The following DNAJC1 variants were observed in gnomAD, a reference collection of about 807,000 sequenced individuals.
The protein encoded by DNAJC1 is DnaJ heat shock protein family (Hsp40) member C1.
DNAJC1 carries 58 observed loss-of-function variants against 76.6 expected under a neutral mutation model. The ratio of observed to expected loss-of-function variants is 0.76; its 90% CI spans 0.61 to 0.94. The LOEUF (loss-of-function observed/expected upper bound fraction) is 0.94. Among genes scored for constraint, DNAJC1 ranks in the 40% least tolerant of loss-of-function variants. The pLI, the probability that DNAJC1 is intolerant of heterozygous loss-of-function variation, is 0.00. For synonymous variants in DNAJC1, 258 were observed against 267.9 expected (o/e 0.96, Z 0.36); for missense variants, 689 against 677.3 (o/e 1.02, Z -0.19).
chr10:21,997,665 T>C (rs1055006583), intron 1 of DNAJC1, among the ~76,000 whole-genome samples: 1 of 152,170 alleles, frequency 6.6e-6, no homozygotes, highest in African/African-American at 2.4e-5. Context: ...TGGGCAATAA[T>C]TGTCCCTCCT....
At chr10:21,983,571 T>G (rs981029919) in intron 1 of DNAJC1, among the ~76,000 whole-genome samples, 2 of 151,908 alleles carry the variant, frequency 1.3e-5, no homozygotes, top group Admixed American at 6.6e-5. Flanking sequence ...AATACAAAAA[T>G]TAGCCGGGTG....
At chr10:21,859,082 T>G (rs1002525530) in intron 8 of DNAJC1, among the ~76,000 whole-genome samples, 2 of 152,244 alleles carry the variant, frequency 1.3e-5, no homozygotes, top group Non-Finnish European at 1.5e-5. Flanking sequence ...ACTTGGATAT[T>G]TGTCATATTT....
At chr10:21,788,294 G>GCCGC (rs1324081151) in intron 9 of DNAJC1, among the ~76,000 whole-genome samples, 11 of 152,232 alleles carry the variant, frequency 7.2e-5, no homozygotes, top group Non-Finnish European at 1.5e-4. Context: ...TGGTCCCTGG[G>GCCGC]CTGCCTGGGC....
At chr10:21,766,915 A>C (rs1436959765) in intron 9 of DNAJC1, among the ~76,000 whole-genome samples, 1 of 151,524 alleles carries the variant, frequency 6.6e-6, no homozygotes, top group Non-Finnish European at 1.5e-5. Flanking sequence ...GGTTGCAGTA[A>C]GCTGACATTG....
intron 9 of DNAJC1, among the ~76,000 whole-genome samples, chr10:21,803,586 T>G (rs189500329): frequency 1.4e-5 from 2 of 142,606 alleles, no homozygotes; most frequent in African/African-American, 5.5e-5. Context: ...ACAGAGTGAT[T>G]TTCTGTGTGT....
At chr10:21,786,801 C>G (rs1834617504) in intron 9 of DNAJC1, among the ~76,000 whole-genome samples, 1 of 152,090 alleles carries the variant, frequency 6.6e-6, no homozygotes, top group African/African-American at 2.4e-5. Context: ...ATCCAATTAC[C>G]ATCTATCCCT....
chr10:21,790,688 C>CA (rs1834673798), intron 9 of DNAJC1, among the ~76,000 whole-genome samples: 1 of 152,024 alleles, frequency 6.6e-6, no homozygotes, highest in Admixed American at 6.6e-5. Context: ...TAATCACCAT[C>CA]ATGAAAACAC....
chr10:21,816,485 T>C (rs1835078721), intron 8 of DNAJC1, among the ~76,000 whole-genome samples: 1 of 150,054 alleles, frequency 6.7e-6, no homozygotes, highest in East Asian at 2.0e-4. Flanking sequence ...TGGCAAGAGA[T>C]TCACTTGAGC....
At chr10:21,952,656 GGCT>G (rs772529863) in intron 1 of DNAJC1, among the ~76,000 whole-genome samples, 2 of 152,106 alleles carry the variant, frequency 1.3e-5, no homozygotes, top group Non-Finnish European at 2.9e-5. Context: ...TTACTCGGTA[GGCT>G]GAGGTGGGAG....
chr10:21,830,517 T>C (rs1396918666), intron 8 of DNAJC1, among the ~76,000 whole-genome samples: 1 of 152,212 alleles, frequency 6.6e-6, no homozygotes, highest in Non-Finnish European at 1.5e-5. Flanking sequence ...TAAGATTTTC[T>C]ATTTGCTTTA....
intron 1 of DNAJC1, among the ~76,000 whole-genome samples, chr10:21,960,627 C>T (rs1837775425): frequency 6.6e-6 from 1 of 152,118 alleles, no homozygotes; most frequent in African/African-American, 2.4e-5. Flanking sequence ...GAGGTTGAGG[C>T]TGCAGTAAGC....
At chr10:21,799,344 G>A (rs775141980) in intron 9 of DNAJC1, among the ~76,000 whole-genome samples, 5 of 152,038 alleles carry the variant, frequency 3.3e-5, no homozygotes, top group African/African-American at 7.2e-5. Flanking sequence ...TATCACCCAG[G>A]CTGGAGTGCA....
At chr10:21,802,791 C>A (rs1026041767) in intron 9 of DNAJC1, among the ~76,000 whole-genome samples, 3 of 152,028 alleles carry the variant, frequency 2.0e-5, no homozygotes, top group Non-Finnish European at 4.4e-5. Context: ...TCTGGGGCCC[C>A]CTGACCTTAA....
At chr10:21,834,690 G>C (rs1394891445) in intron 8 of DNAJC1, among the ~76,000 whole-genome samples, 1 of 152,232 alleles carries the variant, frequency 6.6e-6, no homozygotes, top group Non-Finnish European at 1.5e-5. Flanking sequence ...ACCTGGTTCA[G>C]AGGGTCCTAA....
At chr10:21,761,856 C>T (rs945410359) in intron 10 of DNAJC1, among the ~76,000 whole-genome samples, 1 of 152,198 alleles carries the variant, frequency 6.6e-6, no homozygotes, top group South Asian at 2.1e-4. Context: ...TTATCTCCTC[C>T]ATATTTTTTA....
chr10:21,781,718 C>A (rs1324336282), intron 9 of DNAJC1, among the ~76,000 whole-genome samples: 1,285 of 86,872 alleles, frequency 0.015, no homozygotes, highest in South Asian at 0.024. Flanking sequence ...GCGACTGTCT[C>A]AAAAAAAAAA....
intron 9 of DNAJC1, among the ~76,000 whole-genome samples, chr10:21,783,463 A>G (rs576031093): frequency 6.6e-6 from 1 of 152,340 alleles, no homozygotes; most frequent in Admixed American, 6.5e-5. Context: ...TATCGTGACA[A>G]TGGCCATACT....
chr10:21,812,497 C>T (rs765301648), intron 8 of DNAJC1, among the ~76,000 whole-genome samples: 2 of 152,044 alleles, frequency 1.3e-5, no homozygotes, highest in Non-Finnish European at 2.9e-5. Flanking sequence ...TTTGTAGATA[C>T]TAGATCTTTG....
intron 9 of DNAJC1, among the ~76,000 whole-genome samples, chr10:21,767,333 G>A (rs754361946): frequency 2.4e-4 from 37 of 152,138 alleles, no homozygotes; most frequent in Non-Finnish European, 4.0e-4. Flanking sequence ...CATATTTCAC[G>A]TCTTATTCTA....
Sources: allele counts gnomAD v4.1 joint callset (sites outside exome capture counted in the v4.1 genomes callset), GRCh38; gene constraint gnomAD v4.1.1; transcripts MANE v1.5; gene names NCBI Gene and HGNC (gene_info 2026-07-23, HGNC 2026-07-21).